Variants in USP21 observed in about 807,000 individuals in gnomAD.
USP21 encodes ubiquitin carboxyl-terminal hydrolase 21.
USP21 carries 37 observed loss-of-function variants against 70.8 expected under a neutral mutation model. The observed-to-expected ratio is 0.52, with a 90% CI of 0.40 to 0.69. USP21 has a LOEUF of 0.69. Ranked by LOEUF, USP21 falls within the 30% of genes least tolerant of loss-of-function variation. The probability of loss-of-function intolerance (pLI) is 0.00; values close to 1 mark genes in which losing one functional copy is unlikely to be tolerated. For missense variants in USP21, 584 were observed against 740.8 expected (o/e 0.79, Z 2.46); for synonymous variants, 263 against 283.1 (o/e 0.93, Z 0.71).
chr1:161,163,108 A>C, intron 7 of USP21, 34 bp downstream of exon 7: 1 of 1,554,396 alleles, frequency 6.4e-7, no homozygotes, highest in Non-Finnish European at 8.7e-7. Flanking sequence ...CTTTCCCCGT[A>C]GTTTATCAGC....
chr1:161,163,178 C>A, intron 7 of USP21, 104 bp downstream of exon 7: 1 of 1,364,846 alleles, frequency 7.3e-7, no homozygotes, highest in Non-Finnish European at 1.0e-6. Flanking sequence ...TCCAGGGAAA[C>A]CCTTTAGTAT....
In USP21 at chr1:161,164,008, G is replaced by A. The variant is rs1658178003; in HGVS notation, c.1218+27G>A. 6.2e-7 allele frequency: 1 copy of A among 1,610,310 alleles called. No homozygotes were observed. Among genetic ancestry groups the A allele is most frequent in the Non-Finnish European group, 8.5e-7 (1 of 1,176,514 alleles). Reference sequence around the variant, plus strand: ...TGGGATTCCAGAGGATTCCGGGGTGGACAGGACAGGGGCTCTGTGACCCAA... The same window carrying A: ...TGGGATTCCAGAGGATTCCGGGGTGAACAGGACAGGGGCTCTGTGACCCAA... On this transcript the variant is annotated intron_variant, in intron 9 of 13. Transcript: ENST00000368002. This position sits in a 1 kb window ranked among gnomAD's most constrained non-coding sequence, Gnocchi z 4.2.
chr1:161,165,157 C>G lies in USP21; in HGVS notation c.1607+14C>G. The G allele has an allele frequency of 6.2e-7, 1 of 1,607,366 alleles. No individual in the cohort carries two copies. Among genetic ancestry groups the G allele is most frequent in the South Asian group, 1.1e-5 (1 of 90,872 alleles). On this transcript the variant is annotated intron_variant, in intron 13 of 13. Coordinates refer to ENST00000368002, the MANE Select transcript of USP21 (RefSeq NM_001014443.3). ...CAATGACTCTCGGTGAGAATAGCCT[C>G]CTATTTACATCCTGCCCCATTCCCA...
chr1:161,161,217 C>A lies in USP21; in HGVS notation c.577C>A (p.Pro193Thr), dbSNP rs1193513330. 2.5e-6 allele frequency: 4 copies of A among 1,603,338 alleles called. No homozygotes were observed. The highest frequency in any genetic ancestry group is 1.3e-5 in the African/African-American group (1 of 74,838). ...FHMISARSSE[P>T]FYSDDKMAHH... The stretch of plus-strand genomic sequence containing the variant: ...CATGATATCCGCCCGGTCCTCTGAG[C>A]CTTTCTACTCTGATGACAAGATGGT... Residue 193 changes from proline to threonine, a missense_variant, in exon 3 of 14, where the codon CCT (proline) becomes ACT (threonine). Coordinates refer to ENST00000368002, the MANE Select transcript of USP21 (RefSeq NM_001014443.3). This position sits in a 1 kb window ranked among gnomAD's most constrained non-coding sequence, Gnocchi z 4.2.
intron 13 of USP21, 74 bp from the exon 14 acceptor site, chr1:161,165,283 G>C (rs1658534681): frequency 6.7e-7 from 1 of 1,483,828 alleles, no homozygotes; most frequent in Admixed American, 1.7e-5. Flanking sequence ...TGGATGCTCT[G>C]AGGTTCGGTC....
Position 161,161,145 on chromosome 1 carries a change from C to G in USP21, c.505C>G (p.Leu169Val), listed in dbSNP as rs1431952162. The G allele has an allele frequency of 6.2e-7, 1 of 1,614,088 alleles. No homozygotes were observed. Among genetic ancestry groups the G allele is most frequent in the Non-Finnish European group, 8.5e-7 (1 of 1,179,956 alleles). ...RLGGFPGPPTLFSIRTEPPAS... is the reference protein window; with the variant it reads ...RLGGFPGPPTVFSIRTEPPAS... ...AGGGGGCTTTCCTGGACCCCCTACC[C>G]TGTTCAGCATACGGACAGAGCCCCC... The change falls in exon 3 of 14, where the codon CTG (leucine) becomes GTG (valine). Residue 169 changes from leucine (L) to valine (V), a missense_variant. Leu to Val is a conservative substitution (Grantham distance 32, BLOSUM62 1). Coordinates refer to ENST00000368002, the MANE Select transcript of USP21 (RefSeq NM_001014443.3). The surrounding 1 kb of genome is among the most constrained non-coding windows in gnomAD (Gnocchi z 4.2).
chr1:161,163,163 T>C, intron 7 of USP21, 89 bp downstream of exon 7: 1 of 1,450,724 alleles, frequency 6.9e-7, no homozygotes, highest in Non-Finnish European at 9.3e-7. Flanking sequence ...ATTGAAGATG[T>C]AGGGTCCAGG....
chr1:161,159,940 G>A (rs1382515965), intron 1 of USP21, among the ~76,000 whole-genome samples: 1 of 152,210 alleles, frequency 6.6e-6, no homozygotes, highest in Non-Finnish European at 1.5e-5. Context: ...AGAGATTAAG[G>A]GTCAAGGAGT....
In USP21 at chr1:161,163,615, T is replaced by C. The variant is rs1658122946; in HGVS notation, c.1110T>C (p.Ile370=). ...ACCTGGAGCGAGAGGACAGCAAGAT[T>C]GTGGGTATGGAATGGGGCAAAGCAA... ...KRYLEREDSK[I]VDLFVGQLKS... The change falls in exon 8 of 14, where the codon ATT becomes ATC. Residue 370 remains isoleucine, a synonymous_variant. Coordinates refer to ENST00000368002, the MANE Select transcript of USP21 (RefSeq NM_001014443.3). 6.3e-7 allele frequency: 1 copy of C among 1,597,584 alleles called. No homozygotes were observed. Among genetic ancestry groups the C allele is most frequent in the Non-Finnish European group, 8.5e-7 (1 of 1,171,632 alleles).
chr1:161,163,534 A>C, intron 7 of USP21, 21 bp from the exon 8 acceptor site: 1 of 1,613,432 alleles, frequency 6.2e-7, no homozygotes, highest in East Asian at 2.2e-5. Flanking sequence ...GGTGCTCCCC[A>C]CTTCCTTTGA....
rs1242193032 is a variant in USP21 at position 161,160,468 on chromosome 1, A to G, written c.-60A>G. ...TGTGGTAGTGGTGATGACTGAGCCAACCACCTAATGTGGAAATGAGAGGAC... is the reference window on the plus strand; with the variant it reads ...TGTGGTAGTGGTGATGACTGAGCCAGCCACCTAATGTGGAAATGAGAGGAC... On this transcript the variant is annotated 5_prime_UTR_variant, in exon 2 of 14. Transcript: ENST00000368002. The G allele has an allele frequency of 7.2e-6, 6 of 835,076 alleles. No homozygotes were observed. The highest frequency in any genetic ancestry group is 6.4e-5 in the South Asian group (4 of 62,172). The allele number at this position is 835,076 out of a possible 1,614,324, so 51.7% of individuals were successfully genotyped here.
At chr1:161,159,959 C>G (rs1657771309) in intron 1 of USP21, among the ~76,000 whole-genome samples, 1 of 152,222 alleles carries the variant, frequency 6.6e-6, no homozygotes, top group African/African-American at 2.4e-5. Context: ...GTTGTTCGTC[C>G]TCCATCCCCG....
Position 161,165,617 on chromosome 1 carries a change from C to G in USP21, c.*170C>G. Reference sequence around the variant, plus strand: ...AAAAATACCCTTCCACCTGGAGGCTCCCTTGTCTCCCAGCCCCATGTACAA... The same window carrying G: ...AAAAATACCCTTCCACCTGGAGGCTGCCTTGTCTCCCAGCCCCATGTACAA... On this transcript the variant is annotated 3_prime_UTR_variant, in exon 14 of 14. Coordinates refer to ENST00000368002, the MANE Select transcript of USP21 (RefSeq NM_001014443.3). 1 of 586,256 alleles carries G rather than the reference C, an allele frequency of 1.7e-6. No individual in the cohort carries two copies. The highest frequency in any genetic ancestry group is 3.0e-6 in the Non-Finnish European group (1 of 329,896). 36.3% of individuals were successfully genotyped at this position (586,256 alleles called of 1,614,324 possible). A position where few individuals can be genotyped will look rare whatever the true frequency, so the allele number is the denominator to read the frequency against.
At position 161,160,910 on chromosome 1, in the gene USP21, G is replaced by A. The variant is rs137880709; in HGVS notation, c.270G>A (p.Leu90=). 1 of 1,614,236 alleles carries A rather than the reference G, an allele frequency of 6.2e-7. No homozygotes were observed. Among genetic ancestry groups the A allele is most frequent in the South Asian group, 1.1e-5 (1 of 91,088 alleles). ...GPLRADHGVP[L]PGSPPPTVAL... ...TTCGAGCAGATCATGGGGTTCCCCTGCCTGGCTCACCACCCCCAACAGTGG... is the reference window on the plus strand; with the variant it reads ...TTCGAGCAGATCATGGGGTTCCCCTACCTGGCTCACCACCCCCAACAGTGG... The change falls in exon 3 of 14, where the codon CTG becomes CTA. Residue 90 remains leucine (L), a synonymous_variant. Coordinates refer to ENST00000368002, the MANE Select transcript of USP21 (RefSeq NM_001014443.3).
Position 161,161,747 on chromosome 1 carries a change from C to A in USP21, c.601-291C>A. 2.0e-6 allele frequency: 1 copy of A among 501,358 alleles called. No homozygotes were observed. Among genetic ancestry groups the A allele is most frequent in the Non-Finnish European group, 3.6e-6 (1 of 278,044 alleles). 31.1% of individuals were successfully genotyped at this position (501,358 alleles called of 1,614,324 possible). On this transcript the variant is annotated intron_variant, in intron 3 of 13. Transcript: ENST00000368002. The surrounding 1 kb of genome is among the most constrained non-coding windows in gnomAD (Gnocchi z 4.2). ...GTGGTGAGCAGCTGGGCAACCATGC[C>A]GGTGCTGGGGGAGTTGCCCCAGGAG... is the stretch of plus-strand genomic sequence containing the variant.
In USP21 at chr1:161,162,974, A is replaced by G. The variant is rs759618282; in HGVS notation, c.949A>G (p.Ile317Val). The change falls in exon 7 of 14, where the codon ATC becomes GTC. Residue 317 changes from isoleucine (I) to valine (V), a missense_variant. By Grantham distance (29) the Ile-to-Val change is conservative (BLOSUM62 3). Around this residue, in one of 4 missense-constraint regions of USP21, gnomAD observed 87 missense variants for 162.4 expected, o/e 0.54. Coordinates refer to ENST00000368002, the MANE Select transcript of USP21 (RefSeq NM_001014443.3). The surrounding 1 kb of genome is among the most constrained non-coding windows in gnomAD (Gnocchi z 4.1). ...KLLMERLHLE[I>V]NRRGRRAPPI... ...CCTCATGGAGCGGCTACACCTTGAAATCAACCGCCGAGGCCGCCGGGCTCC... is the reference window on the plus strand; with the variant it reads ...CCTCATGGAGCGGCTACACCTTGAAGTCAACCGCCGAGGCCGCCGGGCTCC... 3.1e-6 allele frequency: 5 copies of G among 1,613,726 alleles called. No homozygotes were observed. The highest frequency in any genetic ancestry group is 3.4e-6 in the Non-Finnish European group (4 of 1,179,896).
Position 161,160,615 on chromosome 1 carries a change from C to A in USP21, c.-21-5C>A. ...TCAAATGCTGACACTCTCTTCTCCT[C>A]CCAGGTCCAGCCTGTGGTGTCCACA... On this transcript the variant is annotated splice_region_variant and splice_polypyrimidine_tract_variant and intron_variant, in intron 2 of 13. Transcript: ENST00000368002. The A allele has an allele frequency of 6.3e-7, 1 of 1,599,574 alleles. No homozygotes were observed. Among genetic ancestry groups the A allele is most frequent in the South Asian group, 1.1e-5 (1 of 90,472 alleles).
Position 161,161,684 on chromosome 1 carries a change from C to A in USP21, c.601-354C>A, listed in dbSNP as rs960600520. Reference sequence around the variant, plus strand: ...GCAGGAGAAGGGCAAGAAGGGGCCACGGGGGCAGGAGGGGGTTTTGGGGGC... The same window carrying A: ...GCAGGAGAAGGGCAAGAAGGGGCCAAGGGGGCAGGAGGGGGTTTTGGGGGC... On this transcript the variant is annotated intron_variant, in intron 3 of 13. Transcript: ENST00000368002. This position sits in a 1 kb window ranked among gnomAD's most constrained non-coding sequence, Gnocchi z 4.2. 2.4e-6 allele frequency: 1 copy of A among 417,850 alleles called. No individual in the cohort carries two copies. The highest frequency in any genetic ancestry group is 4.4e-5 in the East Asian group (1 of 22,926). The allele number at this position is 417,850 out of a possible 1,614,324, so 25.9% of individuals were successfully genotyped here.
Position 161,161,988 on chromosome 1 carries a change from G to C in USP21, c.601-50G>C. ...GGCAGCATGCTGTTGAAAGGTTAAA[G>C]TGCCAGGTAGGATATATAGGAACTT... is the stretch of plus-strand genomic sequence containing the variant. On this transcript the variant is annotated intron_variant, in intron 3 of 13. Transcript: ENST00000368002. This position sits in a 1 kb window ranked among gnomAD's most constrained non-coding sequence, Gnocchi z 4.2. 1 of 1,587,200 alleles carries C rather than the reference G, an allele frequency of 6.3e-7. No homozygotes were observed. Among genetic ancestry groups the C allele is most frequent in the South Asian group, 1.1e-5 (1 of 90,516 alleles).
Sources: allele counts gnomAD v4.1 joint callset (sites outside exome capture counted in the v4.1 genomes callset), GRCh38; gene constraint gnomAD v4.1.1; regional missense constraint gnomAD v4.1.1; non-coding constraint Gnocchi (gnomAD v3.1); transcripts MANE v1.5; gene names NCBI Gene and HGNC (gene_info 2026-07-23, HGNC 2026-07-21).